EGFLAM: variants seen among roughly 807,000 people sequenced by gnomAD.
The protein encoded by EGFLAM is pikachurin.
In EGFLAM, 79 loss-of-function variants were observed where a neutral mutation model predicts 113.1. The observed-to-expected ratio is 0.70, with a 90% CI of 0.58 to 0.84. EGFLAM has a LOEUF of 0.84. Among genes scored for constraint, EGFLAM ranks in the 40% least tolerant of loss-of-function variants. EGFLAM has a pLI of 0.00. For missense variants in EGFLAM, 1,265 were observed against 1,291.6 expected (o/e 0.98, Z 0.32); for synonymous variants, 504 against 487.6 (o/e 1.03, Z -0.44).
intron 12 of EGFLAM, among the ~76,000 whole-genome samples, chr5:38,422,134 C>T (rs1741845572): frequency 6.6e-6 from 1 of 152,076 alleles, no homozygotes; most frequent in African/African-American, 2.4e-5. Context: ...TAAGGAACTC[C>T]ACCCCATGAT....
At position 38,337,556 on chromosome 5, in the gene EGFLAM, C is replaced by T; in HGVS notation, c.134C>T (p.Ala45Val). 7 of 1,606,286 alleles carry T rather than the reference C, an allele frequency of 4.4e-6. No individual in the cohort carries two copies. The highest frequency in any genetic ancestry group is 2.2e-5 in the South Asian group (2 of 89,432). Residue 45 changes from alanine (A) to valine (V), a missense_variant, in exon 2 of 22, where the codon GCA (alanine) becomes GTA (valine). Coordinates refer to ENST00000322350, the MANE Select transcript of EGFLAM (RefSeq NM_152403.4). Reference protein sequence around the residue: ...VGPPLDIKLGALNCTAFSIQW... With the variant: ...VGPPLDIKLGVLNCTAFSIQW... The stretch of plus-strand genomic sequence containing the variant: ...CCTCCTCTTGACATCAAGCTGGGCG[C>T]ATTGAACTGTACGGCTTTCAGCATC...
chr5:38,328,394 A>G (rs1016730366), intron 1 of EGFLAM, among the ~76,000 whole-genome samples: 5 of 152,276 alleles, frequency 3.3e-5, no homozygotes, highest in African/African-American at 1.2e-4. Flanking sequence ...GATCCAAACC[A>G]TATTAGTAGC....
chr5:38,422,438 G>A (rs1186599207), intron 12 of EGFLAM, among the ~76,000 whole-genome samples: 1 of 152,188 alleles, frequency 6.6e-6, no homozygotes, highest in Non-Finnish European at 1.5e-5. Flanking sequence ...GTAGCCCAGG[G>A]ATTCTTAACC....
At chr5:38,431,368 CAG>C in intron 15 of EGFLAM, 80 bp downstream of exon 15, 1 of 1,417,888 alleles carries the variant, frequency 7.1e-7, no homozygotes, top group Non-Finnish European at 9.7e-7. Flanking sequence ...AGAAAAGCAG[CAG>C]AGTGTTCTGG....
At chr5:38,338,881 A>G (rs1475277793) in intron 3 of EGFLAM, 100 bp downstream of exon 3, 2 of 940,310 alleles carry the variant, frequency 2.1e-6, no homozygotes. Flanking sequence ...TAATAATAAT[A>G]ACTAATGCTT....
At chr5:38,407,961 T>C (rs1741347550) in intron 9 of EGFLAM, 56 bp downstream of exon 9, 1 of 1,369,990 alleles carries the variant, frequency 7.3e-7, no homozygotes, top group Admixed American at 1.7e-5. Context: ...CACAGCAATG[T>C]GCTACATTCA....
At chr5:38,458,241 T>G in intron 19 of EGFLAM, 70 bp from the exon 20 acceptor site, 2 of 1,427,016 alleles carry the variant, frequency 1.4e-6, no homozygotes, top group Non-Finnish European at 1.9e-6. Context: ...GAGAATCGTC[T>G]GTGAACCGTG....
At chr5:38,329,792 G>A (rs1738994083) in intron 1 of EGFLAM, among the ~76,000 whole-genome samples, 1 of 152,098 alleles carries the variant, frequency 6.6e-6, no homozygotes, top group Non-Finnish European at 1.5e-5. Context: ...CCACTAAAGT[G>A]CTCCAACTTT....
chr5:38,430,545 T>C (rs1193206698), intron 14 of EGFLAM, among the ~76,000 whole-genome samples: 5 of 152,254 alleles, frequency 3.3e-5, no homozygotes, highest in African/African-American at 1.2e-4. Context: ...ATTAGTTTCC[T>C]CATGGCTAGA....
intron 1 of EGFLAM, among the ~76,000 whole-genome samples, chr5:38,330,590 G>C (rs1739014596): frequency 6.6e-6 from 1 of 152,126 alleles, no homozygotes; most frequent in South Asian, 2.1e-4. Context: ...AATACCTAGA[G>C]CGTTTCTATT....
At chr5:38,323,200 G>C (rs183790680) in intron 1 of EGFLAM, among the ~76,000 whole-genome samples, 1 of 152,104 alleles carries the variant, frequency 6.6e-6, no homozygotes, top group African/African-American at 2.4e-5. Flanking sequence ...TGATATTTTT[G>C]TTTGCATTTT....
At chr5:38,386,806 G>T (rs967478230) in intron 6 of EGFLAM, among the ~76,000 whole-genome samples, 1 of 152,158 alleles carries the variant, frequency 6.6e-6, no homozygotes, top group Non-Finnish European at 1.5e-5. Context: ...TGCCCAGCCC[G>T]AGTACTTATT....
intron 10 of EGFLAM, 40 bp from the exon 11 acceptor site, chr5:38,412,464 G>A: frequency 1.2e-6 from 2 of 1,613,850 alleles, no homozygotes; most frequent in East Asian, 2.2e-5. Context: ...TAATGGCCTG[G>A]TTCGTCAAGA....
chr5:38,380,506 A>G (rs993242181), intron 6 of EGFLAM, among the ~76,000 whole-genome samples: 1 of 152,234 alleles, frequency 6.6e-6, no homozygotes, highest in African/African-American at 2.4e-5. Flanking sequence ...AGCATGGGAA[A>G]GGCCAATGAG....
chr5:38,275,551 A>G (rs1223754144), intron 1 of EGFLAM, among the ~76,000 whole-genome samples: 1 of 152,218 alleles, frequency 6.6e-6, no homozygotes, highest in Non-Finnish European at 1.5e-5. Flanking sequence ...ACCCAACATC[A>G]GAGTACATAA....
At chr5:38,457,290 A>G (rs1283462448) in intron 19 of EGFLAM, among the ~76,000 whole-genome samples, 1 of 152,200 alleles carries the variant, frequency 6.6e-6, no homozygotes, top group Non-Finnish European at 1.5e-5. Flanking sequence ...ACATGACCAC[A>G]AATTAGGTGG....
At chr5:38,399,106 A>G (rs6879807) in intron 6 of EGFLAM, among the ~76,000 whole-genome samples, 30,574 of 152,104 alleles carry the variant, frequency 0.2, 3,610 homozygotes, top group African/African-American at 0.31. Flanking sequence ...TCCAGTCCAG[A>G]CTATGGGAGA....
At chr5:38,440,731 G>A (rs1742506047) in intron 17 of EGFLAM, among the ~76,000 whole-genome samples, 1 of 152,124 alleles carries the variant, frequency 6.6e-6, no homozygotes, top group Admixed American at 6.5e-5. Flanking sequence ...CAAAACAAGA[G>A]CCTGTTCCCA....
chr5:38,377,051 A>G (rs2366983), intron 6 of EGFLAM, among the ~76,000 whole-genome samples: 59,865 of 151,488 alleles, frequency 0.4, 12,394 homozygotes, highest in African/African-American at 0.53. Flanking sequence ...ATTATGCATC[A>G]TATTGTCTGT....
Sources: gnomAD v4.1 joint callset for allele counts (sites outside exome capture counted in the v4.1 genomes callset) on GRCh38, gnomAD v4.1.1 for gene constraint, MANE v1.5 for transcripts, NCBI Gene and HGNC (gene_info 2026-07-23, HGNC 2026-07-21) for gene names.